Variants in SLC16A7 observed in about 807,000 individuals in gnomAD.
SLC16A7 encodes the protein solute carrier family 16 member 7, also known as monocarboxylate transporter 2.
SLC16A7 carries 33 observed loss-of-function variants against 34.9 expected under a neutral mutation model. The observed-to-expected ratio is 0.94, with a 90% CI of 0.72 to 1.26. The LOEUF is 1.26. Among genes scored for constraint, SLC16A7 ranks in the 50% most tolerant of loss-of-function variants. The probability of loss-of-function intolerance (pLI) is 0.00; values close to 1 mark genes in which losing one functional copy is unlikely to be tolerated. For missense variants in SLC16A7, 573 were observed against 578.1 expected (o/e 0.99, Z 0.09); for synonymous variants, 201 against 206.6 (o/e 0.97, Z 0.23).
intron 2 of SLC16A7, among the ~76,000 whole-genome samples, chr12:59,667,848 C>T (rs184482540): frequency 5.9e-5 from 9 of 152,324 alleles, no homozygotes; most frequent in African/African-American, 1.9e-4. Flanking sequence ...GGACGGGGTC[C>T]GTGCCCCCTC....
chr12:59,719,133 T>G (rs1284618172), intron 3 of SLC16A7, among the ~76,000 whole-genome samples: 1 of 152,168 alleles, frequency 6.6e-6, no homozygotes, highest in Non-Finnish European at 1.5e-5. Flanking sequence ...GTGCACAAAA[T>G]GAGCACCATT....
At chr12:59,765,258 A>G (rs564000378) in intron 3 of SLC16A7, among the ~76,000 whole-genome samples, 316 of 152,272 alleles carry the variant, frequency 2.1e-3, no homozygotes, top group African/African-American at 7.1e-3. Context: ...GTAGGTTGCA[A>G]AAATTTTCTC....
At position 59,751,729 on chromosome 12, in the gene SLC16A7, G is replaced by T. The variant is rs1336704095; in HGVS notation, c.218-19490G>T. Among the ~76,000 whole-genome samples, 4 of 152,204 alleles carry T rather than the reference G, an allele frequency of 2.6e-5. No homozygotes were observed. The East Asian group carries it at 7.7e-4, about 29-fold the overall frequency. On this transcript the variant is annotated intron_variant, in intron 3 of 5. Transcript: ENST00000547379. Reference sequence around the variant, plus strand: ...AACCTCTGCAGACTTAAATGTCCCTGTCTGACAGCTTTGAAGAGAGCAGTG... The same window carrying T: ...AACCTCTGCAGACTTAAATGTCCCTTTCTGACAGCTTTGAAGAGAGCAGTG...
chr12:59,721,767 G>A (rs974787280), intron 3 of SLC16A7, among the ~76,000 whole-genome samples: 3 of 151,924 alleles, frequency 2.0e-5, no homozygotes, highest in African/African-American at 7.2e-5. Flanking sequence ...AGTCCCCATT[G>A]TAATTGACCT....
intron 3 of SLC16A7, among the ~76,000 whole-genome samples, chr12:59,760,609 A>G (rs1880908691): frequency 1.3e-5 from 2 of 152,098 alleles, no homozygotes; most frequent in South Asian, 4.1e-4. Context: ...ATCTTACTGT[A>G]CTATACTTGC....
intron 2 of SLC16A7, among the ~76,000 whole-genome samples, chr12:59,661,586 T>C (rs976196537): frequency 6.6e-6 from 1 of 152,132 alleles, no homozygotes; most frequent in African/African-American, 2.4e-5. Context: ...TTCTATTGAA[T>C]GGATAATAGC....
At chr12:59,709,716 G>T (rs1874002447) in intron 3 of SLC16A7, among the ~76,000 whole-genome samples, 1 of 151,556 alleles carries the variant, frequency 6.6e-6, no homozygotes, top group South Asian at 2.1e-4. Context: ...TTATATCTAT[G>T]CCATGTTAGA....
intron 3 of SLC16A7, among the ~76,000 whole-genome samples, chr12:59,738,196 T>C (rs1297809301): frequency 6.6e-6 from 1 of 152,204 alleles, no homozygotes; most frequent in East Asian, 1.9e-4. Context: ...GGTTTCAGTT[T>C]TGATTTGGAG....
At chr12:59,737,750 T>G (rs1452799097) in intron 3 of SLC16A7, among the ~76,000 whole-genome samples, 1 of 152,198 alleles carries the variant, frequency 6.6e-6, no homozygotes, top group Non-Finnish European at 1.5e-5. Flanking sequence ...TCTGAACCAG[T>G]GTTCCTGGCC....
At chr12:59,752,344 T>C (rs1249216292) in intron 3 of SLC16A7, among the ~76,000 whole-genome samples, 1 of 152,042 alleles carries the variant, frequency 6.6e-6, no homozygotes, top group African/African-American at 2.4e-5. Flanking sequence ...GGCAAAGAAG[T>C]TGAAAACTTT....
intron 3 of SLC16A7, among the ~76,000 whole-genome samples, chr12:59,758,535 A>G (rs1880657184): frequency 6.6e-6 from 1 of 152,082 alleles, no homozygotes; most frequent in South Asian, 2.1e-4. Context: ...TAACACAAAT[A>G]GAATAAAATG....
intron 3 of SLC16A7, among the ~76,000 whole-genome samples, chr12:59,760,375 T>G (rs1397055229): frequency 2.6e-5 from 4 of 152,066 alleles, no homozygotes; most frequent in Non-Finnish European, 5.9e-5. Context: ...CTCTGGAGAT[T>G]AAGCTGCATT....
At chr12:59,719,344 T>C (rs1875294372) in intron 3 of SLC16A7, among the ~76,000 whole-genome samples, 2 of 152,224 alleles carry the variant, frequency 1.3e-5, no homozygotes, top group South Asian at 4.1e-4. Context: ...CTGAAGAGTA[T>C]GCATTATATG....
At chr12:59,687,483 G>T (rs569489780) in intron 2 of SLC16A7, among the ~76,000 whole-genome samples, 3 of 152,190 alleles carry the variant, frequency 2.0e-5, no homozygotes, top group African/African-American at 7.2e-5. Flanking sequence ...AACATAACTT[G>T]CCATTTTTCT....
At chr12:59,756,275 G>A (rs1170141711) in intron 3 of SLC16A7, among the ~76,000 whole-genome samples, 2 of 152,164 alleles carry the variant, frequency 1.3e-5, no homozygotes, top group Non-Finnish European at 2.9e-5. Context: ...TTAAACTAAA[G>A]AGCTTCTGCA....
chr12:59,740,973 A>G (rs1333550919), intron 3 of SLC16A7, among the ~76,000 whole-genome samples: 1 of 152,224 alleles, frequency 6.6e-6, no homozygotes, highest in Non-Finnish European at 1.5e-5. Context: ...TGCTTCAAAG[A>G]AAATAAAATA....
intron 5 of SLC16A7, among the ~76,000 whole-genome samples, chr12:59,777,230 C>G (rs1248282479): frequency 6.6e-6 from 1 of 152,120 alleles, no homozygotes; most frequent in East Asian, 1.9e-4. Context: ...TGATTTTAGA[C>G]CTATTGTTGA....
intron 2 of SLC16A7, among the ~76,000 whole-genome samples, chr12:59,672,193 TATATATACATATATAC>T (rs1275637279): frequency 4.0e-5 from 2 of 50,112 alleles, no homozygotes; most frequent in African/African-American, 1.1e-4. Flanking sequence ...CATATATACG[TATATATACATATATAC>T]GTATATATAT....
intron 2 of SLC16A7, among the ~76,000 whole-genome samples, chr12:59,655,894 G>A (rs964291873): frequency 2.0e-5 from 3 of 151,762 alleles, no homozygotes; most frequent in Non-Finnish European, 4.4e-5. Context: ...AACTTATAAG[G>A]GAGATAATTT....
Sources: allele counts gnomAD v4.1 joint callset (sites outside exome capture counted in the v4.1 genomes callset), GRCh38; gene constraint gnomAD v4.1.1; transcripts MANE v1.5; gene names NCBI Gene and HGNC (gene_info 2026-07-23, HGNC 2026-07-21).